TNFAIP3: variants seen among roughly 807,000 people sequenced by gnomAD.
TNFAIP3 encodes the protein TNF alpha induced protein 3, also known as tumor necrosis factor alpha-induced protein 3.
A neutral mutation model predicts 72.4 loss-of-function variants in TNFAIP3; 9 were observed. That is an observed-to-expected ratio of 0.12 (90% CI 0.07 to 0.22). TNFAIP3 has a LOEUF of 0.22. Ranked by LOEUF, TNFAIP3 falls within the 10% of genes least tolerant of loss-of-function variation. TNFAIP3 has a pLI of 1.00. For synonymous variants in TNFAIP3, 339 were observed against 372.6 expected (o/e 0.91, Z 1.04); for missense variants, 833 against 1,018.7 (o/e 0.82, Z 2.48).
intron 7 of TNFAIP3, 108 bp downstream of exon 7, chr6:137,879,459 G>C (rs1425720669): frequency 9.1e-6 from 12 of 1,316,726 alleles, no homozygotes; most frequent in Non-Finnish European, 1.2e-5. Flanking sequence ...AGAACTGTCA[G>C]GACCTACCGT....
chr6:137,880,792 A>G (rs918462449), intron 8 of TNFAIP3, among the ~76,000 whole-genome samples: 1 of 152,116 alleles, frequency 6.6e-6, no homozygotes, highest in Non-Finnish European at 1.5e-5. Flanking sequence ...TTGCAGGCCA[A>G]CTTAGGCTTG....
Position 137,881,492 on chromosome 6 carries a change from C to T in TNFAIP3, c.*173C>T. The T allele has an allele frequency of 1.8e-6, 1 of 547,662 alleles. No homozygotes were observed. The highest frequency in any genetic ancestry group is 4.1e-5 in the South Asian group (1 of 24,398). 33.9% of individuals were successfully genotyped at this position (547,662 alleles called of 1,614,324 possible). ...CCCACGATGCTCAGGTTTGGTAACC[C>T]GGGAGTGTTCCCAGGTGGCCTTAGA... On this transcript the variant is annotated 3_prime_UTR_variant, in exon 9 of 9. Coordinates refer to ENST00000612899, the MANE Select transcript of TNFAIP3 (RefSeq NM_001270508.2). This position sits in a 1 kb window ranked among gnomAD's most constrained non-coding sequence, Gnocchi z 5.0.
In TNFAIP3 at chr6:137,878,960, C is replaced by G. The variant is rs751386175; in HGVS notation, c.1515C>G (p.His505Gln). The change falls in exon 7 of 9, where the codon CAC (histidine) becomes CAG (glutamine). Residue 505 changes from histidine (H) to glutamine (Q), a missense_variant. By Grantham distance (24) the His-to-Gln change is conservative (BLOSUM62 0). Coordinates refer to ENST00000612899, the MANE Select transcript of TNFAIP3 (RefSeq NM_001270508.2). ...GTTGCCACAACGCCCGGCAACTTCA[C>G]GCCAGCCACGCCCCAGACCACACAA... ...CERCHNARQL[H>Q]ASHAPDHTRH... 1 of 1,614,092 alleles carries G rather than the reference C, an allele frequency of 6.2e-7. No individual in the cohort carries two copies. The highest frequency in any genetic ancestry group is 1.3e-5 in the African/African-American group (1 of 74,924).
At position 137,881,379 on chromosome 6, in the gene TNFAIP3, G is replaced by A; in HGVS notation, c.*60G>A. On this transcript the variant is annotated 3_prime_UTR_variant, in exon 9 of 9. Coordinates refer to ENST00000612899, the MANE Select transcript of TNFAIP3 (RefSeq NM_001270508.2). The surrounding 1 kb of genome is among the most constrained non-coding windows in gnomAD (Gnocchi z 5.0). ...GGGCCTCGAGCTGTCAGTCATCATG[G>A]TGCTATCCTCTGAACCCCTCAGCTG... The A allele has an allele frequency of 2.7e-6, 4 of 1,464,348 alleles. No individual in the cohort carries two copies. The highest frequency in any genetic ancestry group is 9.2e-7 in the Non-Finnish European group (1 of 1,085,226). 90.7% of individuals were successfully genotyped at this position (1,464,348 alleles called of 1,614,324 possible).
rs2114455731 is a variant in TNFAIP3 at position 137,871,155 on chromosome 6, G to T, written c.-15-58G>T. 6.7e-7 allele frequency: 1 copy of T among 1,489,944 alleles called. No homozygotes were observed. Among genetic ancestry groups the T allele is most frequent in the Admixed American group, 2.1e-5 (1 of 46,610 alleles). 92.3% of individuals were successfully genotyped at this position (1,489,944 alleles called of 1,614,324 possible). A position where few individuals can be genotyped will look rare whatever the true frequency, so the allele number is the denominator to read the frequency against. On this transcript the variant is annotated intron_variant, in intron 1 of 8. Transcript: ENST00000612899. The surrounding 1 kb of genome is among the most constrained non-coding windows in gnomAD (Gnocchi z 4.2). ...GGGGTTTCCTGCAGGCAGCTATAGA[G>T]GAGTCGTATTAAAGTCAGGCTAATA...
At position 137,871,656 on chromosome 6, in the gene TNFAIP3, G is replaced by A; in HGVS notation, c.295+134G>A. On this transcript the variant is annotated intron_variant, in intron 2 of 8. Coordinates refer to ENST00000612899, the MANE Select transcript of TNFAIP3 (RefSeq NM_001270508.2). This position sits in a 1 kb window ranked among gnomAD's most constrained non-coding sequence, Gnocchi z 4.2. ...GATTTAGTATTGAGACCTTTATATA[G>A]AATCTCTATTCGGGGTATGTGATAA... 2 of 956,386 alleles carry A rather than the reference G, an allele frequency of 2.1e-6. No homozygotes were observed. Among genetic ancestry groups the A allele is most frequent in the South Asian group, 3.4e-5 (2 of 59,654 alleles). The allele number at this position is 956,386 out of a possible 1,614,324, so 59.2% of individuals were successfully genotyped here.
At position 137,876,123 on chromosome 6, in the gene TNFAIP3, C is replaced by A. The variant is rs1350749287; in HGVS notation, c.762C>A (p.Ser254Arg). The A allele has an allele frequency of 1.8e-5, 29 of 1,613,996 alleles. 1 individual carries two copies. Among genetic ancestry groups the A allele is most frequent in the Non-Finnish European group, 2.4e-5 (28 of 1,179,984 alleles). ...ACCCCATTGTTCTCGGCTATGACAG[C>A]CATCATTTTGTACCCTTGGTGACCC... ...YRYPIVLGYD[S>R]HHFVPLVTLK... The change falls in exon 5 of 9, where the codon AGC becomes AGA. Residue 254 changes from serine (S) to arginine (R), a missense_variant. By Grantham distance (110) the Ser-to-Arg change is moderately radical. Transcript: ENST00000612899.
intron 2 of TNFAIP3, 102 bp from the exon 3 acceptor site, chr6:137,874,743 C>G: frequency 8.9e-7 from 1 of 1,129,806 alleles, no homozygotes; most frequent in South Asian, 1.6e-5. Flanking sequence ...ACCATTCAGT[C>G]CCCTAGAATA....
At chr6:137,872,925 C>A (rs1582886601) in intron 2 of TNFAIP3, among the ~76,000 whole-genome samples, 2 of 152,100 alleles carry the variant, frequency 1.3e-5, no homozygotes, top group East Asian at 3.9e-4. Flanking sequence ...AATTAACTGA[C>A]TTTTAGCTTT....
rs1362113006 is a variant in TNFAIP3 at position 137,878,972 on chromosome 6, C to G, written c.1527C>G (p.Ala509=). The G allele has an allele frequency of 3.7e-6, 6 of 1,614,220 alleles. No individual in the cohort carries two copies. The highest frequency in any genetic ancestry group is 3.3e-4 in the Middle Eastern group (2 of 6,060). Residue 509 remains alanine (A), a synonymous_variant, in exon 7 of 9, where the codon GCC becomes GCG. Transcript: ENST00000612899. ...CCCGGCAACTTCACGCCAGCCACGC[C>G]CCAGACCACACAAGGCACTTGGATC... ...HNARQLHASH[A]PDHTRHLDPG... is the part of the protein sequence containing the mutation.
rs777042541 is a variant in TNFAIP3 at position 137,878,999 on chromosome 6, C to T, written c.1554C>T (p.Pro518=). 7 of 1,614,084 alleles carry T rather than the reference C, an allele frequency of 4.3e-6. No individual in the cohort carries two copies. Among genetic ancestry groups the T allele is most frequent in the African/African-American group, 4.0e-5 (3 of 74,934 alleles). Residue 518 remains proline, a synonymous_variant, in exon 7 of 9, where the codon CCC becomes CCT. Transcript: ENST00000612899. ...CAGACCACACAAGGCACTTGGATCC[C>T]GGGAAGTGCCAAGCCTGCCTCCAGG... ...HAPDHTRHLD[P]GKCQACLQDV...
At position 137,883,152 on chromosome 6, in the gene TNFAIP3, A is replaced by G. The variant is rs1285448741; in HGVS notation, c.*1833A>G. 1 of 203,940 alleles carries G rather than the reference A, an allele frequency of 4.9e-6. No homozygotes were observed. The highest frequency in any genetic ancestry group is 8.0e-5 in the East Asian group (1 of 12,480). The allele number at this position is 203,940 out of a possible 1,614,324, so 12.6% of individuals were successfully genotyped here. A position where few individuals can be genotyped will look rare whatever the true frequency, so the allele number is the denominator to read the frequency against. On this transcript the variant is annotated 3_prime_UTR_variant, in exon 9 of 9. Coordinates refer to ENST00000612899, the MANE Select transcript of TNFAIP3 (RefSeq NM_001270508.2). ...ATTATTTCCATTCTTAATGTGAAAA[A>G]AAGTAATTATTTATACTTATTATAA...
At chr6:137,870,450 A>G (rs893018343) in intron 1 of TNFAIP3, among the ~76,000 whole-genome samples, 1 of 152,196 alleles carries the variant, frequency 6.6e-6, no homozygotes, top group Non-Finnish European at 1.5e-5. Flanking sequence ...TTATTCTGAT[A>G]TGAAGTCCGG....
Position 137,869,998 on chromosome 6 carries a change from C to A in TNFAIP3, c.-15-1215C>A, listed in dbSNP as rs115466251. On this transcript the variant is annotated intron_variant, in intron 1 of 8. Coordinates refer to ENST00000612899, the MANE Select transcript of TNFAIP3 (RefSeq NM_001270508.2). ...CATCATGTTAATTTGCATCATCCTG[C>A]GCTGTTGGCATGGGTTGTAGATGCT... 3.6e-3 allele frequency among the ~76,000 whole-genome samples: 545 copies of A among 152,300 alleles called. 4 individuals are homozygous for A. Among genetic ancestry groups the A allele is most frequent in the African/African-American group, 0.012 (516 of 41,540 alleles).
chr6:137,866,703 G>GA (rs1562264477), upstream of TNFAIP3: 1 of 152,440 alleles, frequency 6.6e-6, no homozygotes, highest in African/African-American at 2.4e-5. Flanking sequence ...GCTTTTTCTC[G>GA]AAATGCCCGC....
intron 7 of TNFAIP3, 29 bp from the exon 8 acceptor site, chr6:137,880,042 G>A (rs780130498): frequency 6.2e-7 from 1 of 1,609,300 alleles, no homozygotes; most frequent in Admixed American, 1.7e-5. Flanking sequence ...ACCCCTATGT[G>A]GTACTAACTA....
At position 137,871,588 on chromosome 6, in the gene TNFAIP3, A is replaced by G. The variant is rs1366033644; in HGVS notation, c.295+66A>G. ...GCTCCCGCCTGCTGGATCCCCATTC[A>G]TGAAGCTTTAATAGGACAAGCCCAA... On this transcript the variant is annotated intron_variant, in intron 2 of 8. Coordinates refer to ENST00000612899, the MANE Select transcript of TNFAIP3 (RefSeq NM_001270508.2). The surrounding 1 kb of genome is among the most constrained non-coding windows in gnomAD (Gnocchi z 4.2). 2.6e-6 allele frequency: 4 copies of G among 1,555,922 alleles called. No individual in the cohort carries two copies. In the East Asian group the frequency reaches 6.7e-5, roughly 26 times the overall value.
chr6:137,871,585 T>C lies in TNFAIP3; in HGVS notation c.295+63T>C, dbSNP rs1776066457. The C allele has an allele frequency of 6.4e-7, 1 of 1,559,426 alleles. No homozygotes were observed. Among genetic ancestry groups the C allele is most frequent in the Admixed American group, 1.8e-5 (1 of 54,436 alleles). The stretch of plus-strand genomic sequence containing the variant: ...ATAGCTCCCGCCTGCTGGATCCCCA[T>C]TCATGAAGCTTTAATAGGACAAGCC... On this transcript the variant is annotated intron_variant, in intron 2 of 8. Transcript: ENST00000612899. This position sits in a 1 kb window ranked among gnomAD's most constrained non-coding sequence, Gnocchi z 4.2.
At chr6:137,876,599 G>C (rs868413808) in intron 5 of TNFAIP3, among the ~76,000 whole-genome samples, 1 of 152,226 alleles carries the variant, frequency 6.6e-6, no homozygotes, top group African/African-American at 2.4e-5. Flanking sequence ...ACCATGCCTG[G>C]CCTGTTAGCT....
Sources: allele counts gnomAD v4.1 joint callset (sites outside exome capture counted in the v4.1 genomes callset), GRCh38; gene constraint gnomAD v4.1.1; non-coding constraint Gnocchi (gnomAD v3.1); transcripts MANE v1.5; gene names NCBI Gene and HGNC (gene_info 2026-07-23, HGNC 2026-07-21).